FOXK1: variants seen among roughly 807,000 people sequenced by gnomAD.
FOXK1 encodes forkhead box protein K1.
Under a neutral mutation model 51.9 loss-of-function variants are expected in FOXK1, and 19 were observed. The observed-to-expected ratio is 0.37, with a 90% CI of 0.26 to 0.54. FOXK1 has a LOEUF of 0.54. FOXK1 is among the 20% of genes least tolerant of loss of function. The pLI is 0.87. For missense variants in FOXK1, 870 were observed against 1,032.7 expected (o/e 0.84, Z 2.16); for synonymous variants, 537 against 482.6 (o/e 1.11, Z -1.48).
Position 4,722,194 on chromosome 7 carries a change from C to CT in FOXK1, c.561-18643dup, listed in dbSNP as rs1780322635. On this transcript the variant is annotated intron_variant, in intron 1 of 8. Transcript: ENST00000328914. The surrounding 1 kb of genome is among the most constrained non-coding windows in gnomAD (Gnocchi z 5.1). ...GGAGGTGTCTGTGTCTCAGCAGATG[C>CT]TGGATTTCACGTCCACGGCCGCCTG... Among the ~76,000 whole-genome samples the CT allele has an allele frequency of 6.6e-6, 1 of 152,188 alleles. No individual in the cohort carries two copies. Among genetic ancestry groups the CT allele is most frequent in the African/African-American group, 2.4e-5 (1 of 41,444 alleles).
In FOXK1 at chr7:4,745,681, A is replaced by T. The variant is rs1487938630; in HGVS notation, c.746+4658A>T. Among the ~76,000 whole-genome samples the T allele has an allele frequency of 6.6e-6, 1 of 152,138 alleles. No individual in the cohort carries two copies. The highest frequency in any genetic ancestry group is 2.4e-5 in the African/African-American group (1 of 41,436). Reference sequence around the variant, plus strand: ...CACTTTGGGAGGCTGAGGCAGGCGGATCACCTGAGGTCAGGAGTTCGAGAC... The same window carrying T: ...CACTTTGGGAGGCTGAGGCAGGCGGTTCACCTGAGGTCAGGAGTTCGAGAC... On this transcript the variant is annotated intron_variant, in intron 2 of 8. Coordinates refer to ENST00000328914, the MANE Select transcript of FOXK1 (RefSeq NM_001037165.2). The surrounding 1 kb of genome is among the most constrained non-coding windows in gnomAD (Gnocchi z 4.3).
rs1251351117 is a variant in FOXK1 at position 4,768,335 on chromosome 7, T to C, written c.*5871T>C. ...TTTTAGTAGAGACGGGGTTTCACCG[T>C]GTTAGCCAGGATGGTCTCGATCTCC... On this transcript the variant is annotated 3_prime_UTR_variant, in exon 9 of 9. Coordinates refer to ENST00000328914, the MANE Select transcript of FOXK1 (RefSeq NM_001037165.2). The C allele has an allele frequency of 7.2e-6, 1 of 139,412 alleles. No individual in the cohort carries two copies. Among genetic ancestry groups the C allele is most frequent in the South Asian group, 2.1e-4 (1 of 4,786 alleles). 8.6% of individuals were successfully genotyped at this position (139,412 alleles called of 1,614,324 possible).
rs182858945 is a variant in FOXK1, at chr7:4,693,415, T to C, written c.560+10547T>C. The stretch of plus-strand genomic sequence containing the variant: ...TAGGTTCACAGCAAAAGCATATTTT[T>C]ATAGAAATAAAGTTATATAATTTAG... On this transcript the variant is annotated intron_variant, in intron 1 of 8. Coordinates refer to ENST00000328914, the MANE Select transcript of FOXK1 (RefSeq NM_001037165.2). Among the ~76,000 whole-genome samples the C allele has an allele frequency of 3.7e-3, 565 of 152,374 alleles. 1 individual carries two copies. Among genetic ancestry groups the C allele is most frequent in the Non-Finnish European group, 6.5e-3 (445 of 68,032 alleles).
chr7:4,704,902 G>A (rs923925551), intron 1 of FOXK1, among the ~76,000 whole-genome samples: 2 of 149,126 alleles, frequency 1.3e-5, no homozygotes, highest in African/African-American at 2.5e-5. Context: ...CATGAACTCA[G>A]CTCACTGCAA....
chr7:4,710,164 C>G (rs537071668), intron 1 of FOXK1, among the ~76,000 whole-genome samples: 1 of 152,162 alleles, frequency 6.6e-6, no homozygotes, highest in Non-Finnish European at 1.5e-5. Context: ...TGACTTTGGA[C>G]GAGTAGTTCA....
rs1294416565 is a variant in FOXK1 at position 4,749,766 on chromosome 7, G to A, written c.747-4693G>A. Reference sequence around the variant, plus strand: ...TGGACTGGAAGGACCGCAGCCCTGTGCCCTGGGGAAGGCTTGTCTTAGGCT... The same window carrying A: ...TGGACTGGAAGGACCGCAGCCCTGTACCCTGGGGAAGGCTTGTCTTAGGCT... On this transcript the variant is annotated intron_variant, in intron 2 of 8. Coordinates refer to ENST00000328914, the MANE Select transcript of FOXK1 (RefSeq NM_001037165.2). The surrounding 1 kb of genome is among the most constrained non-coding windows in gnomAD (Gnocchi z 6.0). 1.3e-5 allele frequency among the ~76,000 whole-genome samples: 2 copies of A among 152,256 alleles called. No homozygotes were observed.
chr7:4,745,946 T>C lies in FOXK1; in HGVS notation c.746+4923T>C, dbSNP rs1780697274. ...TTAATGAAAGAATTCAAGTAGTTAATCATTTTCTAGGTTCCATCAGACAGA... is the reference window on the plus strand; with the variant it reads ...TTAATGAAAGAATTCAAGTAGTTAACCATTTTCTAGGTTCCATCAGACAGA... On this transcript the variant is annotated intron_variant, in intron 2 of 8. Coordinates refer to ENST00000328914, the MANE Select transcript of FOXK1 (RefSeq NM_001037165.2). This position sits in a 1 kb window ranked among gnomAD's most constrained non-coding sequence, Gnocchi z 4.3. 6.6e-6 allele frequency among the ~76,000 whole-genome samples: 1 copy of C among 152,168 alleles called. No individual in the cohort carries two copies. The highest frequency in any genetic ancestry group is 1.5e-5 in the Non-Finnish European group (1 of 68,022).
rs1048548676 is a variant in FOXK1 at position 4,745,976 on chromosome 7, A to G, written c.746+4953A>G. On this transcript the variant is annotated intron_variant, in intron 2 of 8. Transcript: ENST00000328914. The surrounding 1 kb of genome is among the most constrained non-coding windows in gnomAD (Gnocchi z 4.3). ...TTCTAGGTTCCATCAGACAGACACC[A>G]GTCTAAAAAGTGTTCCTTAGAGGTA... is the stretch of plus-strand genomic sequence containing the variant. Among the ~76,000 whole-genome samples, 6 of 152,218 alleles carry G rather than the reference A, an allele frequency of 3.9e-5. No homozygotes were observed. Among genetic ancestry groups the G allele is most frequent in the Non-Finnish European group, 5.9e-5 (4 of 68,028 alleles).
rs758783476 is a variant in FOXK1 at position 4,733,205 on chromosome 7, T to C, written c.561-7633T>C. ...TTTTTTTTTTTAATTTTATTATTTT[T>C]TTATTTCAAGCTGGGTTCTTGCTGT... is the stretch of plus-strand genomic sequence containing the variant. On this transcript the variant is annotated intron_variant, in intron 1 of 8. Transcript: ENST00000328914. This position sits in a 1 kb window ranked among gnomAD's most constrained non-coding sequence, Gnocchi z 5.0. Among the ~76,000 whole-genome samples the C allele has an allele frequency of 1.4e-4, 21 of 152,126 alleles. No homozygotes were observed. The highest frequency in any genetic ancestry group is 2.2e-4 in the Non-Finnish European group (15 of 68,036).
chr7:4,747,972 T>C lies in FOXK1; in HGVS notation c.747-6487T>C, dbSNP rs188277462. Among the ~76,000 whole-genome samples the C allele has an allele frequency of 6.6e-6, 1 of 152,160 alleles. No homozygotes were observed. Among genetic ancestry groups the C allele is most frequent in the Non-Finnish European group, 1.5e-5 (1 of 68,020 alleles). On this transcript the variant is annotated intron_variant, in intron 2 of 8. Transcript: ENST00000328914. The surrounding 1 kb of genome is among the most constrained non-coding windows in gnomAD (Gnocchi z 9.2). ...GCGATCCTCCCACCTCAGCCGTGACTACAGGAGCAATCCACTAGTTAATTT... is the reference window on the plus strand; with the variant it reads ...GCGATCCTCCCACCTCAGCCGTGACCACAGGAGCAATCCACTAGTTAATTT...
chr7:4,696,308 G>T (rs1021867922), intron 1 of FOXK1, among the ~76,000 whole-genome samples: 2 of 152,086 alleles, frequency 1.3e-5, no homozygotes, highest in Non-Finnish European at 2.9e-5. Context: ...AAATCGCCGA[G>T]GCTCTGTCTA....
chr7:4,719,136 TTTTG>T (rs147249826), intron 1 of FOXK1, among the ~76,000 whole-genome samples: 42,042 of 148,506 alleles, frequency 0.28, 6,194 homozygotes, highest in Non-Finnish European at 0.35. Context: ...TTTTTGTTTG[TTTTG>T]TTTGTTTGTT....
At chr7:4,713,712 C>T (rs544688810) in intron 1 of FOXK1, among the ~76,000 whole-genome samples, 215 of 150,818 alleles carry the variant, frequency 1.4e-3, no homozygotes, top group Non-Finnish European at 2.5e-3. Context: ...GGCTGGTCTC[C>T]GACTCCTGAC....
In FOXK1 at chr7:4,682,329, C is replaced by T. The variant is rs928481061; in HGVS notation, c.21C>T (p.Asp7=). The change falls in exon 1 of 9, where the codon GAC becomes GAT. Residue 7 remains aspartate, a synonymous_variant. Coordinates refer to ENST00000328914, the MANE Select transcript of FOXK1 (RefSeq NM_001037165.2). This position sits in a 1 kb window ranked among gnomAD's most constrained non-coding sequence, Gnocchi z 7.6. MAEVGE[D]SGARALLALR... ...CGAACATGGCCGAAGTCGGCGAGGA[C>T]AGCGGCGCCCGCGCCCTGCTCGCGC... 4.7e-5 allele frequency: 47 copies of T among 994,018 alleles called. No homozygotes were observed. Among genetic ancestry groups the T allele is most frequent in the Non-Finnish European group, 5.1e-5 (43 of 837,798 alleles). 61.6% of individuals were successfully genotyped at this position (994,018 alleles called of 1,614,324 possible).
chr7:4,696,157 C>G (rs1169576037), intron 1 of FOXK1, among the ~76,000 whole-genome samples: 2 of 151,814 alleles, frequency 1.3e-5, no homozygotes, highest in African/African-American at 4.8e-5. Flanking sequence ...GAGTCTGACC[C>G]CTGACATACA....
chr7:4,694,855 G>A (rs1049304646), intron 1 of FOXK1, among the ~76,000 whole-genome samples: 1 of 152,268 alleles, frequency 6.6e-6, no homozygotes, highest in Admixed American at 6.5e-5. Context: ...AAGCCGCCCC[G>A]GGTGGGATTA....
rs1780326582 is a variant in FOXK1, at chr7:4,722,447, A to T, written c.561-18391A>T. On this transcript the variant is annotated intron_variant, in intron 1 of 8. Transcript: ENST00000328914. This position sits in a 1 kb window ranked among gnomAD's most constrained non-coding sequence, Gnocchi z 5.1. ...CTGGCCAGAGGAGGTCCCGTGGCCAAGTGGCAGCGGTGCCGGACATACACG... is the reference window on the plus strand; with the variant it reads ...CTGGCCAGAGGAGGTCCCGTGGCCATGTGGCAGCGGTGCCGGACATACACG... 6.6e-6 allele frequency among the ~76,000 whole-genome samples: 1 copy of T among 152,194 alleles called. No individual in the cohort carries two copies.
rs1247073655 is a variant in FOXK1 at position 4,709,366 on chromosome 7, C to T, written c.560+26498C>T. On this transcript the variant is annotated intron_variant, in intron 1 of 8. Coordinates refer to ENST00000328914, the MANE Select transcript of FOXK1 (RefSeq NM_001037165.2). The surrounding 1 kb of genome is among the most constrained non-coding windows in gnomAD (Gnocchi z 5.6). ...GTGTCACGTTGCTGCGTCCACGAGC[C>T]TGGCTTCCGCTTCCATTCTCAGGGT... Among the ~76,000 whole-genome samples, 1 of 152,228 alleles carries T rather than the reference C, an allele frequency of 6.6e-6. No individual in the cohort carries two copies. Among genetic ancestry groups the T allele is most frequent in the Non-Finnish European group, 1.5e-5 (1 of 68,042 alleles).
Position 4,752,780 on chromosome 7 carries a change from G to A in FOXK1, c.747-1679G>A, listed in dbSNP as rs138269697. Among the ~76,000 whole-genome samples the A allele has an allele frequency of 1.6e-3, 240 of 152,294 alleles. 1 individual carries two copies. The highest frequency in any genetic ancestry group is 5.3e-3 in the African/African-American group (221 of 41,552). On this transcript the variant is annotated intron_variant, in intron 2 of 8. Transcript: ENST00000328914. ...TGGGTCTGGGACCGGGTGCACAGGCGTGTGCTGGCCCCATTGTCTGCAGCC... is the reference window on the plus strand; with the variant it reads ...TGGGTCTGGGACCGGGTGCACAGGCATGTGCTGGCCCCATTGTCTGCAGCC...
Sources: gnomAD v4.1 joint callset for allele counts (sites outside exome capture counted in the v4.1 genomes callset) on GRCh38, gnomAD v4.1.1 for gene constraint, Gnocchi (gnomAD v3.1) non-coding constraint, MANE v1.5 for transcripts, NCBI Gene and HGNC (gene_info 2026-07-23, HGNC 2026-07-21) for gene names.